Variants in PIAS4 observed in about 807,000 individuals in gnomAD.
The protein encoded by PIAS4 is E3 SUMO-protein ligase PIAS4.
A neutral mutation model predicts 58.0 loss-of-function variants in PIAS4; 7 were observed. The observed-to-expected ratio is 0.12, with a 90% confidence interval of 0.07 to 0.23. The LOEUF is 0.23. Ranked by LOEUF, PIAS4 falls within the 10% of genes least tolerant of loss-of-function variation. PIAS4 has a pLI of 1.00. For synonymous variants in PIAS4, 364 were observed against 312.4 expected (o/e 1.17, Z -1.74); for missense variants, 550 against 709.5 (o/e 0.78, Z 2.55).
chr19:4,022,697 T>C (rs1421677393), intron 2 of PIAS4, among the ~76,000 whole-genome samples: 2 of 151,674 alleles, frequency 1.3e-5, no homozygotes, highest in East Asian at 2.0e-4. Flanking sequence ...TTTGGGTTTT[T>C]TTGGAAACAG....
At chr19:4,010,704 C>T (rs2039984508) in intron 1 of PIAS4, among the ~76,000 whole-genome samples, 1 of 152,222 alleles carries the variant, frequency 6.6e-6, no homozygotes, top group Non-Finnish European at 1.5e-5. Flanking sequence ...CTGGGCCAGC[C>T]TCTTCCCTCT....
chr19:4,010,071 C>T (rs1376938990), intron 1 of PIAS4, among the ~76,000 whole-genome samples: 2 of 152,238 alleles, frequency 1.3e-5, no homozygotes, highest in African/African-American at 4.8e-5. Context: ...AGTTGAAACT[C>T]TGGAAGCTGC....
At chr19:4,024,217 C>A in intron 3 of PIAS4, 97 bp downstream of exon 3, 1 of 894,338 alleles carries the variant, frequency 1.1e-6, no homozygotes, top group Non-Finnish European at 1.8e-6. Context: ...CCACTGCAGG[C>A]CTCGCTCGGG....
At chr19:4,036,245 C>T (rs1193825006) in intron 9 of PIAS4, among the ~76,000 whole-genome samples, 1 of 132,672 alleles carries the variant, frequency 7.5e-6, no homozygotes, top group African/African-American at 2.5e-5. Flanking sequence ...TCTATACAGT[C>T]CACACCATCA....
At position 4,033,458 on chromosome 19, in the gene PIAS4, G is replaced by T. The variant is rs779678732; in HGVS notation, c.1020G>T (p.Glu340Asp). The change falls in exon 9 of 11, where the codon GAG becomes GAT. Residue 340 changes from glutamate (E) to aspartate (D), a missense_variant. Around this residue, in one of 4 missense-constraint regions of PIAS4, gnomAD observed 225 missense variants for 345.8 expected, o/e 0.65. Coordinates refer to ENST00000262971, the MANE Select transcript of PIAS4 (RefSeq NM_015897.4). ...GGCTCTCCGTGCCCTGCCGGGCAGA[G>T]ACCTGTGCCCACCTGCAGTGCTTCG... Reference protein sequence around the residue: ...KMRLSVPCRAETCAHLQCFDA... With the variant: ...KMRLSVPCRADTCAHLQCFDA... The T allele has an allele frequency of 6.4e-7, 1 of 1,566,614 alleles. No homozygotes were observed. The highest frequency in any genetic ancestry group is 8.6e-7 in the Non-Finnish European group (1 of 1,156,514).
chr19:4,015,104 G>A (rs1361256675), intron 2 of PIAS4, among the ~76,000 whole-genome samples: 1 of 152,230 alleles, frequency 6.6e-6, no homozygotes, highest in Admixed American at 6.5e-5. Flanking sequence ...GGGGGACTCA[G>A]GGTCTTGGCC....
At chr19:4,030,693 A>G (rs2040215012) in intron 7 of PIAS4, among the ~76,000 whole-genome samples, 1 of 151,774 alleles carries the variant, frequency 6.6e-6, no homozygotes, top group Admixed American at 6.6e-5. Context: ...GCACAAAGCC[A>G]GCGTACAGCA....
intron 2 of PIAS4, chr19:4,017,681 T>TG (rs2144913702): frequency 2.9e-4 from 1 of 3,470 alleles, no homozygotes; most frequent in East Asian, 0.033. Context: ...TCCGATCAGC[T>TG]TTTTTTTTTT....
chr19:4,029,968 A>G (rs1157743256), intron 7 of PIAS4, among the ~76,000 whole-genome samples: 1 of 151,774 alleles, frequency 6.6e-6, no homozygotes, highest in Admixed American at 6.6e-5. Context: ...GACTACAGGC[A>G]TGTGCCACCA....
Position 4,037,956 on chromosome 19 carries a change from C to T in PIAS4, c.*81C>T, listed in dbSNP as rs1437751883. On this transcript the variant is annotated 3_prime_UTR_variant, in exon 11 of 11. Transcript: ENST00000262971. The surrounding 1 kb of genome is among the most constrained non-coding windows in gnomAD (Gnocchi z 5.8). Reference sequence around the variant, plus strand: ...GCCTCGGGCGCAGAGGGAGGAGTGACCTTTCTTTTTCTTTTTATTGTCGTT... The same window carrying T: ...GCCTCGGGCGCAGAGGGAGGAGTGATCTTTCTTTTTCTTTTTATTGTCGTT... The T allele has an allele frequency of 2.1e-6, 3 of 1,408,392 alleles. No individual in the cohort carries two copies. The highest frequency in any genetic ancestry group is 2.8e-6 in the Non-Finnish European group (3 of 1,055,498). 87.2% of individuals were successfully genotyped at this position (1,408,392 alleles called of 1,614,324 possible).
chr19:4,026,570 C>T (rs554243714), intron 3 of PIAS4, among the ~76,000 whole-genome samples: 1 of 35,624 alleles, frequency 2.8e-5, no homozygotes, highest in East Asian at 2.3e-3. Context: ...CAGTCATGTC[C>T]ATCCCCAGCA....
intron 2 of PIAS4, among the ~76,000 whole-genome samples, chr19:4,016,593 C>G (rs1244604719): frequency 2.0e-5 from 3 of 152,172 alleles, no homozygotes; most frequent in Non-Finnish European, 2.9e-5. Flanking sequence ...GGGCAGCTGT[C>G]AGTAGCAGGA....
At chr19:4,022,066 A>G (rs1160225160) in intron 2 of PIAS4, among the ~76,000 whole-genome samples, 2 of 152,192 alleles carry the variant, frequency 1.3e-5, no homozygotes, top group East Asian at 1.9e-4. Context: ...CAGTTTTCAG[A>G]AAAGGTTTTA....
At chr19:4,018,441 G>C (rs547331902) in intron 2 of PIAS4, 1 of 152,200 alleles carries the variant, frequency 6.6e-6, no homozygotes, top group Non-Finnish European at 1.5e-5. Flanking sequence ...GGCCCTTCTT[G>C]TTGGGCTCTC....
Position 4,007,744 on chromosome 19 carries a change from G to T in PIAS4, c.-17G>T. On this transcript the variant is annotated 5_prime_UTR_variant, in exon 1 of 11. Transcript: ENST00000262971. ...GACGGCTGGGGGCTCCCGGCGCGGGGGACGCTGGTGACCAAGATGGCGGCG... is the reference window on the plus strand; with the variant it reads ...GACGGCTGGGGGCTCCCGGCGCGGGTGACGCTGGTGACCAAGATGGCGGCG... The T allele has an allele frequency of 8.2e-7, 1 of 1,215,676 alleles. No individual in the cohort carries two copies. The highest frequency in any genetic ancestry group is 1.0e-6 in the Non-Finnish European group (1 of 970,848). 75.3% of individuals were successfully genotyped at this position (1,215,676 alleles called of 1,614,324 possible). A position where few individuals can be genotyped will look rare whatever the true frequency, so the allele number is the denominator to read the frequency against.
At chr19:4,008,896 G>A (rs1437928211) in intron 1 of PIAS4, among the ~76,000 whole-genome samples, 2 of 152,036 alleles carry the variant, frequency 1.3e-5, no homozygotes, top group Admixed American at 1.3e-4. Flanking sequence ...TGGGTCCAAG[G>A]CTGGCCTCTT....
At chr19:4,024,485 G>A (rs1170319890) in intron 3 of PIAS4, among the ~76,000 whole-genome samples, 2 of 152,184 alleles carry the variant, frequency 1.3e-5, no homozygotes, top group Non-Finnish European at 2.9e-5. Context: ...AACCACAGAT[G>A]TCCCCAGACA....
At chr19:4,009,192 C>T (rs2039970267) in intron 1 of PIAS4, among the ~76,000 whole-genome samples, 1 of 152,090 alleles carries the variant, frequency 6.6e-6, no homozygotes, top group Non-Finnish European at 1.5e-5. Flanking sequence ...CTGTACGTAT[C>T]TTCTTCTCGG....
chr19:4,023,190 T>C (rs1009835192), intron 2 of PIAS4, among the ~76,000 whole-genome samples: 15 of 91,262 alleles, frequency 1.6e-4, no homozygotes, highest in African/African-American at 6.0e-4. Flanking sequence ...AAAAAAAAAA[T>C]GGGGCTGGCT....
Sources: gnomAD v4.1 joint callset for allele counts (sites outside exome capture counted in the v4.1 genomes callset) on GRCh38, gnomAD v4.1.1 for gene constraint, gnomAD v4.1.1 regional missense constraint, Gnocchi (gnomAD v3.1) non-coding constraint, MANE v1.5 for transcripts, NCBI Gene and HGNC (gene_info 2026-07-23, HGNC 2026-07-21) for gene names.